PSPC1: variants seen among roughly 807,000 people sequenced by gnomAD.
The protein encoded by PSPC1 is paraspeckle protein 1.
Under a neutral mutation model 51.6 loss-of-function variants are expected in PSPC1, and 14 were observed. That is an observed-to-expected ratio of 0.27 (90% CI 0.18 to 0.42). PSPC1 has a LOEUF of 0.42. PSPC1 is among the 10% of genes least tolerant of loss of function. The pLI, the probability that PSPC1 is intolerant of heterozygous loss-of-function variation, is 1.00. For missense variants in PSPC1, 406 were observed against 701.1 expected, an observed-to-expected ratio of 0.58 and a Z score of 4.75; for synonymous variants, 193 against 231.9, an observed-to-expected ratio of 0.83 and a Z score of 1.53.
intron 1 of PSPC1, among the ~76,000 whole-genome samples, chr13:19,779,362 CCGTCCG>C (rs912373387): frequency 8.9e-6 from 1 of 112,762 alleles, no homozygotes; most frequent in Non-Finnish European, 1.9e-5. Flanking sequence ...GCCAGCCGTG[CCGTCCG>C]GGAGGGAGGT....
At chr13:19,734,849 G>C (rs1884577403) in intron 5 of PSPC1, among the ~76,000 whole-genome samples, 1 of 151,960 alleles carries the variant, frequency 6.6e-6, no homozygotes, top group African/African-American at 2.4e-5. Context: ...GTGGTGGCGT[G>C]CACTTTTAAT....
chr13:19,769,621 G>A (rs1369280141), intron 2 of PSPC1, among the ~76,000 whole-genome samples: 1 of 151,720 alleles, frequency 6.6e-6, no homozygotes, highest in African/African-American at 2.4e-5. Flanking sequence ...TGTAATCCCA[G>A]CTATCTGGGA....
rs144268008 is a variant in PSPC1 at position 19,717,548 on chromosome 13, C to G, written c.1159-7949G>C. On this transcript the variant is annotated intron_variant, in intron 6 of 8. Coordinates refer to ENST00000338910, the MANE Select transcript of PSPC1 (RefSeq NM_001354909.2). ...TGGTGAAACCCATCTCTATTAAAAACACAAAAAATCAGCCAGGTGTGGTGG... is the reference window on the plus strand; with the variant it reads ...TGGTGAAACCCATCTCTATTAAAAAGACAAAAAATCAGCCAGGTGTGGTGG... 6.2e-3 allele frequency among the ~76,000 whole-genome samples: 931 copies of G among 151,102 alleles called. 14 individuals carry two copies. The highest frequency in any genetic ancestry group is 0.021 in the African/African-American group (854 of 41,218).
rs1555248074 is a variant in PSPC1 at position 19,765,344 on chromosome 13, A to AATAATT, written c.675-5927_675-5926insAATTAT. ...TCTCAAAAATAATAATAATAATAAT[A>AATAATT]ATTATTATTATTATTATTATTACCA... is the stretch of plus-strand genomic sequence containing the variant. On this transcript the variant is annotated intron_variant, in intron 2 of 8. Transcript: ENST00000338910. 8.0e-3 allele frequency among the ~76,000 whole-genome samples: 1,128 copies of AATAATT among 141,318 alleles called. 9 individuals carry two copies. The highest frequency in any genetic ancestry group is 0.038 in the East Asian group (191 of 5,024). The allele number at this position is 141,318 out of a possible 152,430, so 92.7% of individuals were successfully genotyped here. A position where few individuals can be genotyped will look rare whatever the true frequency, so the allele number is the denominator to read the frequency against.
intron 4 of PSPC1, among the ~76,000 whole-genome samples, chr13:19,746,008 T>C (rs1430922052): frequency 6.6e-6 from 1 of 150,850 alleles, no homozygotes; most frequent in East Asian, 2.0e-4. Flanking sequence ...TTTTGTTTTT[T>C]GTTTTTTTTT....
chr13:19,711,469 TA>T (rs1443291129), intron 6 of PSPC1, among the ~76,000 whole-genome samples: 5 of 151,708 alleles, frequency 3.3e-5, no homozygotes, highest in Non-Finnish European at 7.4e-5. Context: ...ACCCCGTTTC[TA>T]CTAAAAATAC....
At chr13:19,739,300 T>C (rs981009356) in intron 5 of PSPC1, among the ~76,000 whole-genome samples, 1 of 152,158 alleles carries the variant, frequency 6.6e-6, no homozygotes, top group African/African-American at 2.4e-5. Context: ...ACCCCTCATA[T>C]TGTTTGGTTT....
chr13:19,771,818 A>G (rs1016367731), intron 2 of PSPC1, among the ~76,000 whole-genome samples: 2 of 151,802 alleles, frequency 1.3e-5, no homozygotes, highest in South Asian at 2.1e-4. Flanking sequence ...ATGGGGTTTC[A>G]TGCCATGTTG....
intron 2 of PSPC1, among the ~76,000 whole-genome samples, chr13:19,767,206 A>G (rs1888157658): frequency 6.6e-6 from 1 of 152,130 alleles, no homozygotes; most frequent in African/African-American, 2.4e-5. Flanking sequence ...AGCAAGATCT[A>G]TGACAATCTG....
rs978580146 is a variant in PSPC1, at chr13:19,775,109, C to T, written c.373-2566G>A. ...ATCCCAGCACTTTAGGAGGCCGAGG[C>T]GGGCAGATCACGAGGTCAGGAGTTC... On this transcript the variant is annotated intron_variant, in intron 1 of 8. Transcript: ENST00000338910. Among the ~76,000 whole-genome samples, 45 of 151,978 alleles carry T rather than the reference C, an allele frequency of 3.0e-4. 1 individual carries two copies. The East Asian group carries it at 6.0e-3, about 20-fold the overall frequency.
intron 5 of PSPC1, among the ~76,000 whole-genome samples, chr13:19,730,957 C>CAAAA (rs1483772556): frequency 3.2e-4 from 12 of 36,952 alleles, no homozygotes; most frequent in Non-Finnish European, 4.9e-4. Flanking sequence ...AAAAAAAAAA[C>CAAAA]AAAAAAACAA....
chr13:19,724,743 T>C (rs573918355), intron 6 of PSPC1, among the ~76,000 whole-genome samples: 2 of 152,220 alleles, frequency 1.3e-5, no homozygotes, highest in South Asian at 4.1e-4. Flanking sequence ...CTCATACATG[T>C]AATCCCACCA....
chr13:19,684,050 T>A (rs1443627171), intron 6 of PSPC1, among the ~76,000 whole-genome samples: 2 of 152,194 alleles, frequency 1.3e-5, no homozygotes, highest in African/African-American at 2.4e-5. Flanking sequence ...GATCTTAGAA[T>A]ATCTGTCTGC....
chr13:19,741,530 T>A, intron 5 of PSPC1, 35 bp downstream of exon 5: 1 of 1,417,466 alleles, frequency 7.1e-7, no homozygotes. Flanking sequence ...TAATAAGACA[T>A]ACAATTCATG....
rs1204607996 is a variant in PSPC1, at chr13:19,751,203, C to A, written c.967+68G>T. On this transcript the variant is annotated intron_variant, in intron 4 of 8. Coordinates refer to ENST00000338910, the MANE Select transcript of PSPC1 (RefSeq NM_001354909.2). Reference sequence around the variant, plus strand: ...CTAAATGGCACTTTACACAGTAGTACATGAATGGTACACACACTTAAGGGA... The same window carrying A: ...CTAAATGGCACTTTACACAGTAGTAAATGAATGGTACACACACTTAAGGGA... The A allele has an allele frequency of 4.6e-6, 6 of 1,299,420 alleles. No individual in the cohort carries two copies. In the South Asian group the frequency reaches 8.4e-5, roughly 18 times the overall value. The allele number at this position is 1,299,420 out of a possible 1,614,324, so 80.5% of individuals were successfully genotyped here.
chr13:19,773,103 T>A (rs548136945), intron 1 of PSPC1, among the ~76,000 whole-genome samples: 1 of 152,000 alleles, frequency 6.6e-6, no homozygotes, highest in East Asian at 1.9e-4. Flanking sequence ...GAGGTTGCAG[T>A]GAGCTGAGAT....
chr13:19,768,156 T>G (rs1888248620), intron 2 of PSPC1, among the ~76,000 whole-genome samples: 1 of 151,300 alleles, frequency 6.6e-6, no homozygotes, highest in Admixed American at 6.6e-5. Context: ...GCCCAGGAGG[T>G]CAAGGCTGCA....
At chr13:19,697,687 T>C (rs1437696003), downstream of PSPC1, among the ~76,000 whole-genome samples, 2 of 152,122 alleles carry the variant, frequency 1.3e-5, no homozygotes, top group African/African-American at 2.4e-5. Context: ...TATTATTGCC[T>C]CTAACACCAA....
intron 6 of PSPC1, among the ~76,000 whole-genome samples, chr13:19,691,684 C>T (rs1403335693): frequency 1.3e-5 from 2 of 152,036 alleles, no homozygotes; most frequent in Non-Finnish European, 2.9e-5. Flanking sequence ...TTTGGGAGGC[C>T]GAGGTAGGCG....
Sources: gnomAD v4.1 joint callset for allele counts (sites outside exome capture counted in the v4.1 genomes callset) on GRCh38, gnomAD v4.1.1 for gene constraint, MANE v1.5 for transcripts, NCBI Gene and HGNC (gene_info 2026-07-23, HGNC 2026-07-21) for gene names.